The following SH3GL2 variants were observed in gnomAD, a reference collection of about 807,000 sequenced individuals.
The protein encoded by SH3GL2 is endophilin-A1.
SH3GL2 carries 24 observed loss-of-function variants against 46.0 expected under a neutral mutation model. That is an observed-to-expected ratio of 0.52 (90% CI 0.38 to 0.73). The LOEUF (loss-of-function observed/expected upper bound fraction) is 0.73, where lower values mean the gene tolerates loss of function less well. Among genes scored for constraint, SH3GL2 ranks in the 30% least tolerant of loss-of-function variants. The probability of loss-of-function intolerance (pLI) is 0.00; values close to 1 mark genes in which losing one functional copy is unlikely to be tolerated. For missense variants in SH3GL2, 413 were observed against 424.2 expected (o/e 0.97, Z 0.23); for synonymous variants, 196 against 147.1 (o/e 1.33, Z -2.40).
At chr9:17,791,416 A>C in intron 7 of SH3GL2, 82 bp downstream of exon 7, 1 of 1,014,322 alleles carries the variant, frequency 9.9e-7, no homozygotes, top group Non-Finnish European at 1.5e-6. Context: ...CATAGAATAC[A>C]TTTGGAGACA....
intron 1 of SH3GL2, among the ~76,000 whole-genome samples, chr9:17,634,130 C>G (rs1325134411): frequency 6.6e-6 from 1 of 152,060 alleles, no homozygotes; most frequent in East Asian, 1.9e-4. Context: ...AGGGAGTATC[C>G]TCATCTGTAC....
chr9:17,683,497 C>A (rs2182084), intron 1 of SH3GL2, among the ~76,000 whole-genome samples: 1 of 151,770 alleles, frequency 6.6e-6, no homozygotes, highest in Non-Finnish European at 1.5e-5. Flanking sequence ...ATTGCTGTAC[C>A]TTTGGAGGAG....
intron 1 of SH3GL2, among the ~76,000 whole-genome samples, chr9:17,698,809 T>A (rs1228982402): frequency 6.6e-6 from 1 of 152,218 alleles, no homozygotes; most frequent in Non-Finnish European, 1.5e-5. Flanking sequence ...TATTCATTTT[T>A]TTCTTTTAGC....
intron 1 of SH3GL2, among the ~76,000 whole-genome samples, chr9:17,726,962 T>A (rs1257535971): frequency 6.6e-6 from 1 of 152,168 alleles, no homozygotes; most frequent in East Asian, 1.9e-4. Flanking sequence ...AAGGCATAGA[T>A]TCCAGGGAAA....
intron 1 of SH3GL2, among the ~76,000 whole-genome samples, chr9:17,598,109 G>T (rs1769052788): frequency 1.3e-5 from 2 of 152,184 alleles, no homozygotes; most frequent in African/African-American, 4.8e-5. Flanking sequence ...ATTCTGTTGT[G>T]GAGAGAGGCC....
At chr9:17,659,288 C>A (rs554025490) in intron 1 of SH3GL2, among the ~76,000 whole-genome samples, 1 of 152,184 alleles carries the variant, frequency 6.6e-6, no homozygotes, top group Non-Finnish European at 1.5e-5. Context: ...GCAGCATTGT[C>A]TGTGTTCCTG....
At chr9:17,754,576 G>A (rs1277086882) in intron 2 of SH3GL2, among the ~76,000 whole-genome samples, 1 of 152,142 alleles carries the variant, frequency 6.6e-6, no homozygotes, top group Non-Finnish European at 1.5e-5. Flanking sequence ...GGGAGGCTGA[G>A]GCAGGAGAAT....
intron 1 of SH3GL2, among the ~76,000 whole-genome samples, chr9:17,647,280 T>TG: frequency 6.6e-6 from 1 of 152,356 alleles, no homozygotes; most frequent in South Asian, 2.1e-4. Context: ...CTAGATATTG[T>TG]GGGGAAGACT....
intron 1 of SH3GL2, chr9:17,735,803 A>C (rs1159302598): frequency 3.3e-6 from 3 of 913,784 alleles, no homozygotes; most frequent in Non-Finnish European, 3.9e-6. Flanking sequence ...GAAGGGCTTA[A>C]GTTAGCAGGT....
At chr9:17,721,568 T>C (rs1821894732) in intron 1 of SH3GL2, among the ~76,000 whole-genome samples, 1 of 152,134 alleles carries the variant, frequency 6.6e-6, no homozygotes, top group African/African-American at 2.4e-5. Flanking sequence ...GTTTTTCTGG[T>C]AATTTTTTTG....
intron 1 of SH3GL2, among the ~76,000 whole-genome samples, chr9:17,609,777 C>T (rs1818826566): frequency 6.6e-6 from 1 of 152,150 alleles, no homozygotes; most frequent in African/African-American, 2.4e-5. Context: ...GCAAAGGCTC[C>T]CCCTTGAGAA....
chr9:17,789,598 A>T, intron 6 of SH3GL2, 48 bp downstream of exon 6: 4 of 1,607,958 alleles, frequency 2.5e-6, no homozygotes, highest in Non-Finnish European at 3.4e-6. Context: ...TCGAGGCACA[A>T]CATTAATATG....
intron 1 of SH3GL2, among the ~76,000 whole-genome samples, chr9:17,600,905 G>C (rs1029700951): frequency 6.6e-6 from 1 of 152,162 alleles, no homozygotes; most frequent in Non-Finnish European, 1.5e-5. Flanking sequence ...TTAGAGTTTA[G>C]AATATGGCAA....
intron 2 of SH3GL2, among the ~76,000 whole-genome samples, chr9:17,752,346 G>T (rs1490622817): frequency 6.6e-6 from 1 of 152,066 alleles, no homozygotes; most frequent in Non-Finnish European, 1.5e-5. Context: ...ATTAATAGTT[G>T]TAGTTTCTTA....
At chr9:17,706,807 A>G (rs1038758722) in intron 1 of SH3GL2, among the ~76,000 whole-genome samples, 2 of 152,030 alleles carry the variant, frequency 1.3e-5, no homozygotes, top group Non-Finnish European at 2.9e-5. Context: ...ATTAAAATGA[A>G]TAATGACCCT....
At chr9:17,620,651 A>G (rs1397617198) in intron 1 of SH3GL2, among the ~76,000 whole-genome samples, 1 of 152,090 alleles carries the variant, frequency 6.6e-6, no homozygotes, top group East Asian at 1.9e-4. Flanking sequence ...CAGTCCAGCA[A>G]TGGGATTGGA....
chr9:17,720,480 A>G (rs916282340), intron 1 of SH3GL2, among the ~76,000 whole-genome samples: 2 of 152,126 alleles, frequency 1.3e-5, no homozygotes, highest in Non-Finnish European at 2.9e-5. Context: ...AGGTACCGAG[A>G]CAGCTGGATT....
At chr9:17,738,569 T>TATAC (rs1563833753) in intron 1 of SH3GL2, among the ~76,000 whole-genome samples, 5 of 88,058 alleles carry the variant, frequency 5.7e-5, no homozygotes, top group African/African-American at 1.5e-4. Flanking sequence ...TACATACATA[T>TATAC]ATATATAGAG....
At chr9:17,667,516 T>A (rs1348202607) in intron 1 of SH3GL2, among the ~76,000 whole-genome samples, 2 of 152,202 alleles carry the variant, frequency 1.3e-5, no homozygotes, top group Non-Finnish European at 2.9e-5. Flanking sequence ...ACAACATTTG[T>A]TTTTATGGCA....
Sources: gnomAD v4.1 joint callset for allele counts (sites outside exome capture counted in the v4.1 genomes callset) on GRCh38, gnomAD v4.1.1 for gene constraint, MANE v1.5 for transcripts, NCBI Gene and HGNC (gene_info 2026-07-23, HGNC 2026-07-21) for gene names.